ANKRD42: variants seen among roughly 807,000 people sequenced by gnomAD.
ANKRD42 encodes the protein ankyrin repeat domain-containing protein 42.
In ANKRD42, 43 loss-of-function variants were observed where a neutral mutation model predicts 51.5. That is an observed-to-expected ratio of 0.83 (90% confidence interval 0.65 to 1.08). The LOEUF (loss-of-function observed/expected upper bound fraction) is 1.08, where lower values mean the gene tolerates loss of function less well. Among genes scored for constraint, ANKRD42 ranks in the 50% least tolerant of loss-of-function variants. The probability of loss-of-function intolerance (pLI) is 0.00; values close to 1 mark genes in which losing one functional copy is unlikely to be tolerated. For synonymous variants in ANKRD42, 203 were observed against 213.0 expected (o/e 0.95, Z 0.41); for missense variants, 608 against 629.3 (o/e 0.97, Z 0.36).
At chr11:83,205,241 AAT>A (rs1287390256) in intron 2 of ANKRD42, among the ~76,000 whole-genome samples, 10 of 152,254 alleles carry the variant, frequency 6.6e-5, no homozygotes, top group Non-Finnish European at 1.3e-4. Flanking sequence ...CAATGCACAT[AAT>A]AGTCTTTTCA....
At chr11:83,241,029 C>A (rs1863370538) in intron 9 of ANKRD42, 95 bp downstream of exon 9, 7 of 1,329,634 alleles carry the variant, frequency 5.3e-6, no homozygotes, top group South Asian at 1.5e-5. Context: ...ACAAATACTG[C>A]CTACAAAGTA....
chr11:83,213,279 A>G lies in ANKRD42; in HGVS notation c.586+1849A>G, dbSNP rs1033467148. The G allele has an allele frequency of 8.2e-6, 13 of 1,594,972 alleles. No individual in the cohort carries two copies. The Admixed American group carries it at 1.3e-4, about 16-fold the overall frequency. ...GAGCTGGAAGTGCTGCTGATGTGCA[A>G]CAGATCTTACTGTGCTGAGATGTTT... On this transcript the variant is annotated intron_variant, in intron 5 of 10. Coordinates refer to ENST00000533342, the MANE Select transcript of ANKRD42 (RefSeq NM_001300975.2).
At chr11:83,255,229 C>A (rs1390827958) in intron 11 of ANKRD42, among the ~76,000 whole-genome samples, 1 of 152,168 alleles carries the variant, frequency 6.6e-6, no homozygotes, top group Non-Finnish European at 1.5e-5. Context: ...ATCTAGTGAC[C>A]ATCCATTGTG....
At chr11:83,218,442 G>A (rs1346874357) in intron 5 of ANKRD42, among the ~76,000 whole-genome samples, 2 of 152,152 alleles carry the variant, frequency 1.3e-5, no homozygotes, top group East Asian at 3.9e-4. Context: ...TAGGACTTAA[G>A]GTCTGATCAA....
rs574944923 is a variant in ANKRD42 at position 83,193,732 on chromosome 11, C to A, written c.-939C>A. The A allele has an allele frequency of 4.8e-6, 2 of 412,998 alleles. No individual in the cohort carries two copies. Among genetic ancestry groups the A allele is most frequent in the African/African-American group, 4.2e-5 (2 of 47,908 alleles). 25.6% of individuals were successfully genotyped at this position (412,998 alleles called of 1,614,324 possible). On this transcript the variant is annotated 5_prime_UTR_variant, in exon 1 of 11. Transcript: ENST00000533342. ...AGTGTACTCGTTTCCAAGGCGACGG[C>A]CCTGCTGCCTCTCCAGCCAAGTGGC...
intron 7 of ANKRD42, among the ~76,000 whole-genome samples, chr11:83,229,493 C>T (rs1863001925): frequency 1.3e-5 from 2 of 152,094 alleles, no homozygotes; most frequent in Non-Finnish European, 2.9e-5. Flanking sequence ...GATAGGCTCA[C>T]TCATGGTGCT....
At chr11:83,253,970 TG>T (rs1351214702), downstream of ANKRD42, among the ~76,000 whole-genome samples, 1 of 152,172 alleles carries the variant, frequency 6.6e-6, no homozygotes, top group African/African-American at 2.4e-5. Context: ...TTGCTGTCTT[TG>T]GAAGTCTTTA....
At chr11:83,209,260 A>C (rs773537448) in intron 3 of ANKRD42, 51 of 627,848 alleles carry the variant, frequency 8.1e-5, no homozygotes, top group Non-Finnish European at 1.3e-4. Flanking sequence ...CTCAAATCAG[A>C]ATGTAAAATC....
intron 2 of ANKRD42, among the ~76,000 whole-genome samples, chr11:83,198,965 A>G (rs1861766046): frequency 6.6e-6 from 1 of 152,170 alleles, no homozygotes; most frequent in Admixed American, 6.5e-5. Flanking sequence ...CTGAAGGCTT[A>G]TTCACTCAAG....
At position 83,236,395 on chromosome 11, in the gene ANKRD42, T is replaced by G; in HGVS notation, c.914-9T>G. 1 of 1,584,156 alleles carries G rather than the reference T, an allele frequency of 6.3e-7. No homozygotes were observed. Among genetic ancestry groups the G allele is most frequent in the Non-Finnish European group, 8.5e-7 (1 of 1,169,996 alleles). On this transcript the variant is annotated splice_polypyrimidine_tract_variant and intron_variant, in intron 7 of 10. Coordinates refer to ENST00000533342, the MANE Select transcript of ANKRD42 (RefSeq NM_001300975.2). ...TGTAATTCCTGTTCTTTTTCCTTTT[T>G]TTGAACAGCTGCTGGACAAGGCCAC...
Position 83,195,729 on chromosome 11 carries a change from T to A in ANKRD42, c.58+1001T>A, listed in dbSNP as rs1861621025. ...TCCAGTTTAGTTCATTCTAATTTTA[T>A]TAATATTTGTTGAATCTTTCTCCTT... On this transcript the variant is annotated intron_variant, in intron 1 of 10. Transcript: ENST00000533342. Among the ~76,000 whole-genome samples, 3 of 152,316 alleles carry A rather than the reference T, an allele frequency of 2.0e-5. No individual in the cohort carries two copies. The South Asian group carries it at 6.2e-4, about 32-fold the overall frequency.
chr11:83,247,416 T>C (rs915435455), intron 10 of ANKRD42, among the ~76,000 whole-genome samples: 3 of 152,180 alleles, frequency 2.0e-5, no homozygotes, highest in African/African-American at 4.8e-5. Flanking sequence ...TCTGTTTTTC[T>C]TGTACTTCAT....
At position 83,247,931 on chromosome 11, in the gene ANKRD42, T is replaced by G. The variant is rs560046269; in HGVS notation, c.1323-12T>G. On this transcript the variant is annotated splice_polypyrimidine_tract_variant and intron_variant, in intron 10 of 10. Coordinates refer to ENST00000533342, the MANE Select transcript of ANKRD42 (RefSeq NM_001300975.2). ...TTGATGATTGATTTTTAAAAAATTT[T>G]GTTTTTGATAGGACCATCAAAGAAC... 6.4e-7 allele frequency: 1 copy of G among 1,574,200 alleles called. No individual in the cohort carries two copies. Among genetic ancestry groups the G allele is most frequent in the Non-Finnish European group, 8.6e-7 (1 of 1,165,028 alleles).
chr11:83,239,566 G>A (rs1479990186), intron 8 of ANKRD42, among the ~76,000 whole-genome samples: 2 of 152,078 alleles, frequency 1.3e-5, no homozygotes, highest in Non-Finnish European at 2.9e-5. Context: ...GTTAATTTTT[G>A]TATATGATAT....
chr11:83,256,997 T>TACAA (rs901138661), downstream of ANKRD42, among the ~76,000 whole-genome samples: 1 of 152,194 alleles, frequency 6.6e-6, no homozygotes, highest in Non-Finnish European at 1.5e-5. Flanking sequence ...ACAGATCTTA[T>TACAA]ACAAAGTGCC....
intron 10 of ANKRD42, among the ~76,000 whole-genome samples, chr11:83,246,143 T>C (rs1458378373): frequency 6.6e-6 from 1 of 152,176 alleles, no homozygotes; most frequent in Non-Finnish European, 1.5e-5. Context: ...ATCTGTGGGC[T>C]CCACATCATG....
chr11:83,194,800 C>A, intron 1 of ANKRD42, 72 bp downstream of exon 1: 1 of 1,447,088 alleles, frequency 6.9e-7, no homozygotes, highest in Non-Finnish European at 9.3e-7. Context: ...ACAGCCTTAG[C>A]CCTTTCTGGC....
chr11:83,247,539 C>G (rs942937254), intron 10 of ANKRD42, among the ~76,000 whole-genome samples: 19 of 152,134 alleles, frequency 1.2e-4, no homozygotes, highest in African/African-American at 4.1e-4. Flanking sequence ...GGCTTAGAAG[C>G]CCCCTTCTCA....
chr11:83,243,998 T>TTTTTG (rs1554999305), intron 9 of ANKRD42, among the ~76,000 whole-genome samples: 3 of 88,700 alleles, frequency 3.4e-5, no homozygotes, highest in Admixed American at 1.1e-4. Flanking sequence ...TTTTTTTTTA[T>TTTTTG]TGAGACAAAG....
Sources: gnomAD v4.1 joint callset for allele counts (sites outside exome capture counted in the v4.1 genomes callset) on GRCh38, gnomAD v4.1.1 for gene constraint, MANE v1.5 for transcripts, NCBI Gene and HGNC (gene_info 2026-07-23, HGNC 2026-07-21) for gene names.